Variants in TBL1XR1 observed in about 807,000 individuals in gnomAD.
The protein encoded by TBL1XR1 is TBL1X/Y related 1.
In TBL1XR1, 5 loss-of-function variants were observed where a neutral mutation model predicts 66.9. That is an observed-to-expected ratio of 0.07 (90% confidence interval 0.04 to 0.16). The LOEUF (loss-of-function observed/expected upper bound fraction) is 0.16. Ranked by LOEUF, TBL1XR1 falls within the 10% of genes least tolerant of loss-of-function variation. TBL1XR1 has a pLI of 1.00. For synonymous variants in TBL1XR1, 210 were observed against 206.0 expected (o/e 1.02, Z -0.17); for missense variants, 238 against 623.2 (o/e 0.38, Z 6.58).
chr3:177,185,371 G>A (rs1735281670), intron 1 of TBL1XR1, among the ~76,000 whole-genome samples: 1 of 152,234 alleles, frequency 6.6e-6, no homozygotes, highest in South Asian at 2.1e-4. Context: ...CACTTTGGGA[G>A]GCCGAGGAGG....
chr3:177,135,362 T>C (rs61130087), intron 1 of TBL1XR1, among the ~76,000 whole-genome samples: 16 of 33,340 alleles, frequency 4.8e-4, no homozygotes, highest in East Asian at 2.3e-3. Flanking sequence ...TATATATATA[T>C]ATATATATAT....
chr3:177,077,821 A>C (rs1207939304), intron 2 of TBL1XR1, among the ~76,000 whole-genome samples: 2 of 152,196 alleles, frequency 1.3e-5, no homozygotes, highest in Non-Finnish European at 2.9e-5. Flanking sequence ...TTCCTCCTGT[A>C]CCCCTAAGTG....
rs1243691801 is a variant in TBL1XR1 at position 177,021,627 on chromosome 3, A to ACCCT, written c.*3867_*3870dup. The ACCCT allele has an allele frequency of 1.3e-5, 2 of 152,618 alleles. No individual in the cohort carries two copies. The highest frequency in any genetic ancestry group is 3.9e-4 in the East Asian group (2 of 5,182). The allele number at this position is 152,618 out of a possible 1,614,324, so 9.5% of individuals were successfully genotyped here. Reference sequence around the variant, plus strand: ...GGAAGGAGTAATTCATAACTTCCCTACCCTCCTTCCATCCCTGCTGATTCA... The same window carrying ACCCT: ...GGAAGGAGTAATTCATAACTTCCCTACCCTCCCTCCTTCCATCCCTGCTGATTCA... On this transcript the variant is annotated 3_prime_UTR_variant, in exon 16 of 16. Coordinates refer to ENST00000457928, the MANE Select transcript of TBL1XR1 (RefSeq NM_024665.7).
Position 177,053,769 on chromosome 3 carries a change from T to C in TBL1XR1, c.204+4A>G. On this transcript the variant is annotated splice_donor_region_variant and intron_variant, in intron 4 of 15. Coordinates refer to ENST00000457928, the MANE Select transcript of TBL1XR1 (RefSeq NM_024665.7). ...AATCAGTATTTGAAATAAGTCTTCC[T>C]TACCTCATTAATACTAACTTCTGCT... The C allele has an allele frequency of 6.2e-7, 1 of 1,610,826 alleles. No homozygotes were observed. The highest frequency in any genetic ancestry group is 1.1e-5 in the South Asian group (1 of 90,840).
intron 1 of TBL1XR1, among the ~76,000 whole-genome samples, chr3:177,114,980 T>G (rs1056966583): frequency 6.6e-6 from 1 of 150,588 alleles, no homozygotes; most frequent in Non-Finnish European, 1.5e-5. Context: ...CCTTGTCACT[T>G]TGGGGAAAAA....
rs1320339575 is a variant in TBL1XR1 at position 177,046,169 on chromosome 3, T to C, written c.885A>G (p.Ala295=). ...ACTGTTGCTTGGCTTCACCAGTATG[T>C]GCGTCCCAAATAATTGTAGTCTGAG... The part of the protein sequence containing the change: ...GVDKTTIIWD[A]HTGEAKQQFP... Residue 295 remains alanine (A), a synonymous_variant, in exon 10 of 16, where the codon GCA becomes GCG. Transcript: ENST00000457928. The C allele has an allele frequency of 1.3e-6, 2 of 1,539,260 alleles. No homozygotes were observed. Among genetic ancestry groups the C allele is most frequent in the African/African-American group, 1.4e-5 (1 of 72,132 alleles).
intron 2 of TBL1XR1, among the ~76,000 whole-genome samples, chr3:177,088,656 G>T (rs73187526): frequency 4.6e-5 from 7 of 151,082 alleles, no homozygotes; most frequent in Non-Finnish European, 1.0e-4. Flanking sequence ...AAGATACAAG[G>T]AATCAGTTAA....
chr3:177,172,826 C>G (rs1733725504), intron 1 of TBL1XR1, among the ~76,000 whole-genome samples: 1 of 151,976 alleles, frequency 6.6e-6, no homozygotes, highest in South Asian at 2.1e-4. Context: ...TGGCTATCTG[C>G]ACAGCCTCAA....
intron 14 of TBL1XR1, among the ~76,000 whole-genome samples, chr3:177,031,227 A>G (rs1249371586): frequency 2.0e-5 from 3 of 152,188 alleles, no homozygotes; most frequent in Non-Finnish European, 4.4e-5. Context: ...CATATATATC[A>G]TAGTTACAGA....
At chr3:177,170,385 T>C (rs1022222422) in intron 1 of TBL1XR1, among the ~76,000 whole-genome samples, 8 of 151,962 alleles carry the variant, frequency 5.3e-5, no homozygotes, top group Admixed American at 1.3e-4. Flanking sequence ...ATGTCCTTCT[T>C]CCCCCACCCC....
At chr3:177,192,697 G>A (rs188185380) in intron 1 of TBL1XR1, among the ~76,000 whole-genome samples, 1 of 152,190 alleles carries the variant, frequency 6.6e-6, no homozygotes. Flanking sequence ...CAAATAAAAT[G>A]TAATACAAAG....
At chr3:177,089,968 C>A (rs574253077) in intron 2 of TBL1XR1, among the ~76,000 whole-genome samples, 1 of 152,280 alleles carries the variant, frequency 6.6e-6, no homozygotes, top group African/African-American at 2.4e-5. Context: ...TATATACTGT[C>A]TGCTAATGGG....
intron 10 of TBL1XR1, chr3:177,045,029 T>C (rs772339264): frequency 6.6e-6 from 1 of 152,186 alleles, no homozygotes; most frequent in Non-Finnish European, 1.5e-5. Context: ...TGGTGAGCTT[T>C]AATCAAGTTG....
intron 2 of TBL1XR1, among the ~76,000 whole-genome samples, chr3:177,073,794 G>A (rs909823051): frequency 2.0e-5 from 3 of 152,094 alleles, no homozygotes; most frequent in Non-Finnish European, 4.4e-5. Context: ...CAGTAAAGGC[G>A]CACTGCTCCC....
intron 1 of TBL1XR1, among the ~76,000 whole-genome samples, chr3:177,108,922 G>C (rs533689627): frequency 4.3e-4 from 66 of 152,224 alleles, no homozygotes; most frequent in African/African-American, 1.3e-3. Flanking sequence ...ACCAAGCAGC[G>C]ATGAGAAGAA....
At chr3:177,172,572 A>G (rs1473194280) in intron 1 of TBL1XR1, among the ~76,000 whole-genome samples, 1 of 150,366 alleles carries the variant, frequency 6.7e-6, no homozygotes, top group Non-Finnish European at 1.5e-5. Flanking sequence ...AGTGAGCCAT[A>G]ATCGTACCAC....
intron 12 of TBL1XR1, chr3:177,037,368 T>C (rs1009352560): frequency 5.9e-5 from 9 of 152,240 alleles, no homozygotes; most frequent in African/African-American, 1.9e-4. Flanking sequence ...TCTAATTTTA[T>C]CTGTCTTCTT....
chr3:177,030,660 CAGTA>C (rs1361950518), intron 14 of TBL1XR1, among the ~76,000 whole-genome samples: 1 of 152,024 alleles, frequency 6.6e-6, no homozygotes, highest in African/African-American at 2.4e-5. Flanking sequence ...TAAATCTGAG[CAGTA>C]GATATATGAG....
Position 177,051,690 on chromosome 3 carries a change from G to C in TBL1XR1, c.241C>G (p.Leu81Val), listed in dbSNP as rs1717111856. Reference protein sequence around the residue: ...TLFDGRPIESLSLIDAVMPDV... With the variant: ...TLFDGRPIESVSLIDAVMPDV... The stretch of plus-strand genomic sequence containing the variant: ...GGCATTACGGCATCTATCAGGGACA[G>C]AGACTCTATTGGTCGACCATCAAAC... Residue 81 changes from leucine (L) to valine (V), a missense_variant, in exon 5 of 16, where the codon CTG becomes GTG. By Grantham distance (32) the Leu-to-Val change is conservative. Coordinates refer to ENST00000457928, the MANE Select transcript of TBL1XR1 (RefSeq NM_024665.7). 6.2e-7 allele frequency: 1 copy of C among 1,605,008 alleles called. No individual in the cohort carries two copies. Among genetic ancestry groups the C allele is most frequent in the Non-Finnish European group, 8.5e-7 (1 of 1,174,002 alleles).
Sources: gnomAD v4.1 joint callset for allele counts (sites outside exome capture counted in the v4.1 genomes callset) on GRCh38, gnomAD v4.1.1 for gene constraint, MANE v1.5 for transcripts, NCBI Gene and HGNC (gene_info 2026-07-23, HGNC 2026-07-21) for gene names.